TSHZ2: variants seen among roughly 807,000 people sequenced by gnomAD.
The protein encoded by TSHZ2 is teashirt homolog 2.
In TSHZ2, 21 loss-of-function variants were observed where a neutral mutation model predicts 74.4. The ratio of observed to expected loss-of-function variants is 0.28; its 90% CI spans 0.20 to 0.41. The LOEUF (loss-of-function observed/expected upper bound fraction) is 0.41. Among genes scored for constraint, TSHZ2 ranks in the 10% least tolerant of loss-of-function variants. The pLI is 1.00. For missense variants in TSHZ2, 1,244 were observed against 1,293.5 expected, an observed-to-expected ratio of 0.96 and a Z score of 0.59; for synonymous variants, 540 against 515.3, an observed-to-expected ratio of 1.05 and a Z score of -0.65.
At chr20:53,015,387 T>G (rs1025751960) in intron 1 of TSHZ2, among the ~76,000 whole-genome samples, 1 of 152,198 alleles carries the variant, frequency 6.6e-6, no homozygotes, top group Non-Finnish European at 1.5e-5. Flanking sequence ...GGAGAAGATG[T>G]CACTGGCTTC....
chr20:53,064,969 T>C (rs1984934398), intron 1 of TSHZ2, among the ~76,000 whole-genome samples: 1 of 152,208 alleles, frequency 6.6e-6, no homozygotes, highest in Admixed American at 6.5e-5. Flanking sequence ...AATAGACCTA[T>C]TTGATGTTTA....
intron 2 of TSHZ2, among the ~76,000 whole-genome samples, chr20:53,322,574 G>T (rs1229298230): frequency 6.6e-6 from 1 of 151,580 alleles, no homozygotes; most frequent in East Asian, 1.9e-4. Flanking sequence ...CATTCCCCAT[G>T]ATCATTTCTG....
At chr20:52,987,933 C>T (rs1010712988) in intron 1 of TSHZ2, among the ~76,000 whole-genome samples, 7 of 152,090 alleles carry the variant, frequency 4.6e-5, no homozygotes, top group African/African-American at 1.2e-4. Flanking sequence ...GGGCAGAAAA[C>T]CTGGGTTGTA....
intron 1 of TSHZ2, among the ~76,000 whole-genome samples, chr20:53,237,249 A>G (rs1468830946): frequency 6.6e-6 from 1 of 152,194 alleles, no homozygotes; most frequent in Non-Finnish European, 1.5e-5. Flanking sequence ...ATAAGGTCAG[A>G]TGGAGGTCTC....
chr20:53,415,268 C>T (rs1347144394), intron 2 of TSHZ2, among the ~76,000 whole-genome samples: 1 of 152,164 alleles, frequency 6.6e-6, no homozygotes, highest in Non-Finnish European at 1.5e-5. Flanking sequence ...GTCTAAGATT[C>T]ATCTTTGTAG....
At chr20:53,005,117 G>A (rs1016862607) in intron 1 of TSHZ2, among the ~76,000 whole-genome samples, 4 of 152,092 alleles carry the variant, frequency 2.6e-5, no homozygotes, top group African/African-American at 9.7e-5. Context: ...TTCGAGACCA[G>A]CCTGGGCAAC....
chr20:53,106,391 C>CTTTTTTTTTTTTTTT lies in TSHZ2; in HGVS notation c.40+133075_40+133089dup, dbSNP rs71194458. 3.7e-4 allele frequency among the ~76,000 whole-genome samples: 22 copies of CTTTTTTTTTTTTTTT among 58,980 alleles called. 7 individuals carry two copies. Among genetic ancestry groups the CTTTTTTTTTTTTTTT allele is most frequent in the African/African-American group, 1.4e-3 (20 of 14,284 alleles). 38.7% of individuals were successfully genotyped at this position (58,980 alleles called of 152,430 possible). On this transcript the variant is annotated intron_variant, in intron 1 of 2. Transcript: ENST00000371497. ...TTCCTCTAGGGCCTTCTCACACTTT[C>CTTTTTTTTTTTTTTT]TTTTTTTTTTTTTTTTTTTTTTTTT...
intron 1 of TSHZ2, among the ~76,000 whole-genome samples, chr20:53,158,086 T>G (rs1263952099): frequency 6.6e-6 from 1 of 151,714 alleles, no homozygotes; most frequent in Non-Finnish European, 1.5e-5. Context: ...CTGAATGAAG[T>G]GAGGAAGGAA....
At chr20:53,224,907 T>C (rs1989648629) in intron 1 of TSHZ2, among the ~76,000 whole-genome samples, 2 of 152,058 alleles carry the variant, frequency 1.3e-5, no homozygotes, top group South Asian at 4.1e-4. Flanking sequence ...GGGTTATGTG[T>C]ACCCTGTCCC....
At chr20:53,469,639 A>AG in intron 2 of TSHZ2, among the ~76,000 whole-genome samples, 1 of 53,204 alleles carries the variant, frequency 1.9e-5, no homozygotes, top group African/African-American at 7.7e-5. Context: ...GGAGGGAGGA[A>AG]GGAAGGAAGG....
In TSHZ2 at chr20:53,001,228, G is replaced by GTGTGTGTGTGTGTGTA. The variant is rs1555813616; in HGVS notation, c.40+27910_40+27911insATGTGTGTGTGTGTGT. Among the ~76,000 whole-genome samples, 22 of 143,484 alleles carry GTGTGTGTGTGTGTGTA rather than the reference G, an allele frequency of 1.5e-4. 1 individual carries two copies. Among genetic ancestry groups the GTGTGTGTGTGTGTGTA allele is most frequent in the Middle Eastern group, 3.5e-3 (1 of 282 alleles). 94.1% of individuals were successfully genotyped at this position (143,484 alleles called of 152,430 possible). A position where few individuals can be genotyped will look rare whatever the true frequency, so the allele number is the denominator to read the frequency against. ...TGCGTGTGTGTGTGTGTGTGTGTGT[G>GTGTGTGTGTGTGTGTA]TGTGTGTGTGTGTGTGTGTGTGTGT... is the stretch of plus-strand genomic sequence containing the variant. On this transcript the variant is annotated intron_variant, in intron 1 of 2. Coordinates refer to ENST00000371497, the MANE Select transcript of TSHZ2 (RefSeq NM_173485.6).
chr20:53,255,445 G>C lies in TSHZ2; in HGVS notation c.1987G>C (p.Glu663Gln), dbSNP rs187809494. ...GGAGAAGCTGATGAAAGAGGGCAGC[G>C]AGAAGGAGAAACCCCAGCCCCTGGA... ...EEEKLMKEGSEKEKPQPLEPT... is the reference protein window; with the variant it reads ...EEEKLMKEGSQKEKPQPLEPT... The change falls in exon 2 of 3, where the codon GAG (glutamate) becomes CAG (glutamine). Residue 663 changes from glutamate (E) to glutamine (Q), a missense_variant. Physicochemically the swap from Glu to Gln is conservative, Grantham distance 29. Coordinates refer to ENST00000371497, the MANE Select transcript of TSHZ2 (RefSeq NM_173485.6). The surrounding 1 kb of genome is among the most constrained non-coding windows in gnomAD (Gnocchi z 4.1). The C allele has an allele frequency of 3.0e-5, 49 of 1,611,348 alleles. No individual in the cohort carries two copies. The highest frequency in any genetic ancestry group is 4.1e-5 in the Non-Finnish European group (48 of 1,179,948).
At chr20:53,248,568 A>G (rs1568833279) in intron 1 of TSHZ2, among the ~76,000 whole-genome samples, 1 of 152,178 alleles carries the variant, frequency 6.6e-6, no homozygotes, top group Non-Finnish European at 1.5e-5. Flanking sequence ...GCTAATACAT[A>G]TGTAATGTTG....
At chr20:53,243,043 T>C (rs944087365) in intron 1 of TSHZ2, among the ~76,000 whole-genome samples, 24 of 152,052 alleles carry the variant, frequency 1.6e-4, no homozygotes, top group Non-Finnish European at 3.4e-4. Flanking sequence ...AAAATAACTT[T>C]GGTTGTTGGT....
At chr20:52,996,903 T>A (rs1009050940) in intron 1 of TSHZ2, among the ~76,000 whole-genome samples, 2 of 152,186 alleles carry the variant, frequency 1.3e-5, no homozygotes, top group African/African-American at 4.8e-5. Flanking sequence ...TAGTAGCTCC[T>A]CACTACTGTG....
chr20:53,356,677 C>T (rs1980858693), intron 2 of TSHZ2, among the ~76,000 whole-genome samples: 1 of 152,022 alleles, frequency 6.6e-6, no homozygotes, highest in South Asian at 2.1e-4. Flanking sequence ...TTATGCATGT[C>T]CATTTTGGGA....
chr20:53,477,846 G>A (rs909413371), intron 2 of TSHZ2, among the ~76,000 whole-genome samples: 4 of 150,336 alleles, frequency 2.7e-5, no homozygotes, highest in Admixed American at 2.0e-4. Flanking sequence ...CAAAAAGTGG[G>A]CGAAGGACAT....
chr20:53,112,656 G>T (rs972500664), intron 1 of TSHZ2, among the ~76,000 whole-genome samples: 1 of 152,088 alleles, frequency 6.6e-6, no homozygotes, highest in Non-Finnish European at 1.5e-5. Context: ...GGGGCTACAG[G>T]TGTGCACCAC....
At chr20:53,153,667 T>A (rs1987726244) in intron 1 of TSHZ2, among the ~76,000 whole-genome samples, 1 of 152,158 alleles carries the variant, frequency 6.6e-6, no homozygotes, top group South Asian at 2.1e-4. Context: ...ATTTCCTCAT[T>A]TTCTTGTCTT....
Sources: gnomAD v4.1 joint callset for allele counts (sites outside exome capture counted in the v4.1 genomes callset) on GRCh38, gnomAD v4.1.1 for gene constraint, Gnocchi (gnomAD v3.1) non-coding constraint, MANE v1.5 for transcripts, NCBI Gene and HGNC (gene_info 2026-07-23, HGNC 2026-07-21) for gene names.